The following FBXW8 variants were observed in gnomAD, a reference collection of about 807,000 sequenced individuals.
The protein encoded by FBXW8 is F-box and WD repeat domain containing 8.
FBXW8 carries 57 observed loss-of-function variants against 65.3 expected under a neutral mutation model. That is an observed-to-expected ratio of 0.87 (90% CI 0.71 to 1.09). FBXW8 has a LOEUF of 1.09. Among genes scored for constraint, FBXW8 ranks in the 50% least tolerant of loss-of-function variants. The probability of loss-of-function intolerance (pLI) is 0.00; values close to 1 mark genes in which losing one functional copy is unlikely to be tolerated. For missense variants in FBXW8, 777 were observed against 814.8 expected (o/e 0.95, Z 0.57); for synonymous variants, 308 against 330.2 (o/e 0.93, Z 0.73).
chr12:116,976,196 T>G (rs1884917337), intron 5 of FBXW8, among the ~76,000 whole-genome samples: 2 of 152,226 alleles, frequency 1.3e-5, no homozygotes, highest in African/African-American at 4.8e-5. Context: ...AAAAACAATG[T>G]TACATGATTA....
chr12:117,017,107 A>C (rs1391371872), intron 8 of FBXW8, among the ~76,000 whole-genome samples: 1 of 152,260 alleles, frequency 6.6e-6, no homozygotes, highest in Non-Finnish European at 1.5e-5. Context: ...GAATAGTGTC[A>C]CTGTATATGA....
At chr12:116,933,798 C>A (rs1881955644) in intron 2 of FBXW8, among the ~76,000 whole-genome samples, 2 of 152,170 alleles carry the variant, frequency 1.3e-5, no homozygotes, top group African/African-American at 4.8e-5. Flanking sequence ...ATTAAAACCA[C>A]AAAGTAATAA....
At chr12:117,008,357 T>G (rs184916963) in intron 7 of FBXW8, among the ~76,000 whole-genome samples, 1 of 152,372 alleles carries the variant, frequency 6.6e-6, no homozygotes, top group East Asian at 1.9e-4. Context: ...TTTTAGGTTA[T>G]TCTCTGATGA....
intron 3 of FBXW8, 102 bp from the exon 4 acceptor site, chr12:116,949,516 G>C: frequency 1.1e-6 from 1 of 949,794 alleles, no homozygotes; most frequent in South Asian, 1.3e-5. Context: ...TGTTGTCCAT[G>C]CTGTAGAGAA....
intron 7 of FBXW8, among the ~76,000 whole-genome samples, chr12:116,991,580 A>G (rs974266383): frequency 2.6e-5 from 4 of 152,204 alleles, no homozygotes; most frequent in Non-Finnish European, 5.9e-5. Flanking sequence ...ACGTTTTATT[A>G]GGCTGGTGTG....
In FBXW8 at chr12:116,958,057, T is replaced by C. The variant is rs566740980; in HGVS notation, c.678-6640T>C. On this transcript the variant is annotated intron_variant, in intron 4 of 10. Transcript: ENST00000652555. ...TCATCATTGACTCTGACTCTATTGA[T>C]TGTGATTAACCAAGATGTATGGAAA... Among the ~76,000 whole-genome samples, 4 of 152,346 alleles carry C rather than the reference T, an allele frequency of 2.6e-5. No individual in the cohort carries two copies. In the East Asian group the frequency reaches 7.7e-4, roughly 29 times the overall value.
Position 116,972,228 on chromosome 12 carries a change from A to G in FBXW8, c.835+7374A>G, listed in dbSNP as rs60247176. On this transcript the variant is annotated intron_variant, in intron 5 of 10. Coordinates refer to ENST00000652555, the MANE Select transcript of FBXW8 (RefSeq NM_153348.3). ...AACTGAAAGAAGCAATAGTAGCACA[A>G]GGTAGCTTTGGGGAGATAGTTTAGA... Among the ~76,000 whole-genome samples, 688 of 152,372 alleles carry G rather than the reference A, an allele frequency of 4.5e-3. 6 individuals are homozygous for G. Among genetic ancestry groups the G allele is most frequent in the African/African-American group, 0.016 (646 of 41,598 alleles).
At position 116,961,720 on chromosome 12, in the gene FBXW8, A is replaced by G. The variant is rs1035669125; in HGVS notation, c.678-2977A>G. 6.6e-6 allele frequency among the ~76,000 whole-genome samples: 1 copy of G among 152,192 alleles called. No homozygotes were observed. The highest frequency in any genetic ancestry group is 1.5e-5 in the Non-Finnish European group (1 of 68,038). ...GAGATGAACAGTGAGATGATCACAG[A>G]CATGCACCACTGCCATGACGGAGAC... On this transcript the variant is annotated intron_variant, in intron 4 of 10. Transcript: ENST00000652555. This position sits in a 1 kb window ranked among gnomAD's most constrained non-coding sequence, Gnocchi z 4.4.
At chr12:117,013,858 C>A (rs1253762971) in intron 8 of FBXW8, among the ~76,000 whole-genome samples, 1 of 150,486 alleles carries the variant, frequency 6.6e-6, no homozygotes, top group African/African-American at 2.4e-5. Context: ...TTATGAGAAG[C>A]TTGAATGAGT....
chr12:116,994,449 G>C (rs554864672), intron 7 of FBXW8, among the ~76,000 whole-genome samples: 1 of 152,198 alleles, frequency 6.6e-6, no homozygotes, highest in Non-Finnish European at 1.5e-5. Context: ...TAGGAAGGAA[G>C]GGTATGTGGT....
At chr12:116,959,412 T>C (rs1157019394) in intron 4 of FBXW8, among the ~76,000 whole-genome samples, 1 of 152,172 alleles carries the variant, frequency 6.6e-6, no homozygotes, top group Non-Finnish European at 1.5e-5. Flanking sequence ...CTGGGGCACA[T>C]TTTGATCCCA....
At chr12:116,979,900 G>C (rs1885191279) in intron 5 of FBXW8, among the ~76,000 whole-genome samples, 1 of 152,086 alleles carries the variant, frequency 6.6e-6, no homozygotes, top group African/African-American at 2.4e-5. Context: ...CAGGAGAGAA[G>C]TCGTAGAGAT....
rs556041521 is a variant in FBXW8, at chr12:116,936,421, C to T, written c.423+8294C>T. 4.6e-5 allele frequency among the ~76,000 whole-genome samples: 7 copies of T among 152,026 alleles called. No homozygotes were observed. The highest frequency in any genetic ancestry group is 1.5e-4 in the African/African-American group (6 of 41,376). ...CCTTTCATGATAAAACGCCCTTTGC[C>T]GATGTGATTAGGTTAAGGATCTAGA... On this transcript the variant is annotated intron_variant, in intron 2 of 10. Coordinates refer to ENST00000652555, the MANE Select transcript of FBXW8 (RefSeq NM_153348.3). The surrounding 1 kb of genome is among the most constrained non-coding windows in gnomAD (Gnocchi z 4.6).
intron 4 of FBXW8, among the ~76,000 whole-genome samples, chr12:116,963,534 A>T (rs111914934): frequency 2.0e-5 from 3 of 152,106 alleles, no homozygotes; most frequent in African/African-American, 7.2e-5. Flanking sequence ...AACCTGGGAG[A>T]CGGAGGTTGC....
rs566481128 is a variant in FBXW8, at chr12:116,930,944, A to C, written c.423+2817A>C. Among the ~76,000 whole-genome samples the C allele has an allele frequency of 3.3e-5, 5 of 152,308 alleles. No homozygotes were observed. The East Asian group carries it at 5.8e-4, about 18-fold the overall frequency. Reference sequence around the variant, plus strand: ...CACCTCAACCTCCCGAGTAGCTGGGACTATAGGCTCACGCCAACATGCCCA... The same window carrying C: ...CACCTCAACCTCCCGAGTAGCTGGGCCTATAGGCTCACGCCAACATGCCCA... On this transcript the variant is annotated intron_variant, in intron 2 of 10. Coordinates refer to ENST00000652555, the MANE Select transcript of FBXW8 (RefSeq NM_153348.3).
intron 2 of FBXW8, among the ~76,000 whole-genome samples, chr12:116,937,291 A>G (rs1298395389): frequency 6.6e-6 from 1 of 152,132 alleles, no homozygotes; most frequent in Non-Finnish European, 1.5e-5. Flanking sequence ...GGAAATTTGG[A>G]AGCTGTCAGC....
intron 3 of FBXW8, 73 bp downstream of exon 3, chr12:116,945,601 T>TAGC: frequency 1.4e-6 from 2 of 1,464,778 alleles, no homozygotes; most frequent in South Asian, 2.5e-5. Flanking sequence ...CTTTCACTCA[T>TAGC]AGCCTGAGAT....
intron 10 of FBXW8, among the ~76,000 whole-genome samples, chr12:117,027,798 TC>T (rs1189538443): frequency 6.6e-6 from 1 of 152,226 alleles, no homozygotes; most frequent in African/African-American, 2.4e-5. Flanking sequence ...AGGCCCGCCC[TC>T]TTGAGTCCTT....
chr12:116,929,565 A>T (rs1345367376), intron 2 of FBXW8, among the ~76,000 whole-genome samples: 7 of 152,008 alleles, frequency 4.6e-5, no homozygotes, highest in Non-Finnish European at 1.0e-4. Context: ...ATTTCATTTT[A>T]TTTTTTTAAA....
Sources: gnomAD v4.1 joint callset for allele counts (sites outside exome capture counted in the v4.1 genomes callset) on GRCh38, gnomAD v4.1.1 for gene constraint, Gnocchi (gnomAD v3.1) non-coding constraint, MANE v1.5 for transcripts, NCBI Gene and HGNC (gene_info 2026-07-23, HGNC 2026-07-21) for gene names.